Variants in ZNF469 observed in about 807,000 individuals in gnomAD.
ZNF469 encodes zinc finger protein 469.
A neutral mutation model predicts 1.0 loss-of-function variants in ZNF469; 1 was observed. The ratio of observed to expected loss-of-function variants is 1.00; its 90% confidence interval spans 0.35 to 4.73. ZNF469 has a LOEUF of 4.73. Ranked by LOEUF, ZNF469 falls within the 30% of genes most tolerant of loss-of-function variation. The pLI, the probability that ZNF469 is intolerant of heterozygous loss-of-function variation, is 0.16. For missense variants in ZNF469, 6,100 were observed against 5,356.3 expected (o/e 1.14, Z -4.33); for synonymous variants, 2,703 against 2,363.4 (o/e 1.14, Z -4.17).
the ZNF469 span, among the ~76,000 whole-genome samples, chr16:88,227,634 C>A: frequency 9.2e-5 from 14 of 151,378 alleles, no homozygotes; most frequent in Non-Finnish European, 2.1e-4. Flanking sequence ...GTCCCCGTCT[C>A]CCCTTCTCCC....
In ZNF469 at chr16:88,430,629, G is replaced by A. The variant is rs1362107492; in HGVS notation, c.3159G>A (p.Lys1053=). ...CCTGGGGCAAGGAGCTCATTCTGAAGATCGTGCAGCAGAAGAACAGGCGCC... is the reference window on the plus strand; with the variant it reads ...CCTGGGGCAAGGAGCTCATTCTGAAAATCGTGCAGCAGAAGAACAGGCGCC... ...GGAWGKELIL[K]IVQQKNRRHR... Residue 1053 remains lysine, a synonymous_variant, in exon 3 of 3, where the codon AAG becomes AAA. Coordinates refer to ENST00000565624, the MANE Select transcript of ZNF469 (RefSeq NM_001367624.2). 1.3e-6 allele frequency: 2 copies of A among 1,500,478 alleles called. No homozygotes were observed. The highest frequency in any genetic ancestry group is 1.8e-6 in the Non-Finnish European group (2 of 1,130,330). The allele number at this position is 1,500,478 out of a possible 1,614,324, so 92.9% of individuals were successfully genotyped here. A position where few individuals can be genotyped will look rare whatever the true frequency, so the allele number is the denominator to read the frequency against.
rs139653501 is a variant in ZNF469 at position 88,430,123 on chromosome 16, C to G, written c.2653C>G (p.Leu885Val). ...GPRGPSSGHP[L>V]KSKAGVTPES... is the part of the protein sequence containing the mutation. ...CAGAGGTCCCAGCTCCGGACACCCC[C>G]TTAAGAGCAAGGCGGGGGTGACTCC... The change falls in exon 3 of 3, where the codon CTT (leucine) becomes GTT (valine). Residue 885 changes from leucine to valine, a missense_variant. Leu to Val is a conservative substitution (Grantham distance 32). Coordinates refer to ENST00000565624, the MANE Select transcript of ZNF469 (RefSeq NM_001367624.2). 1,771 of 1,550,248 alleles carry G rather than the reference C, an allele frequency of 1.1e-3. 26 individuals carry two copies. In the East Asian group the frequency reaches 0.028, roughly 24 times the overall value.
chr16:88,115,577 G>A, the ZNF469 span, among the ~76,000 whole-genome samples: 3 of 151,342 alleles, frequency 2.0e-5, no homozygotes, highest in East Asian at 3.9e-4. Context: ...AAAGAGAAAG[G>A]TGCCAGGGCC....
the ZNF469 span, among the ~76,000 whole-genome samples, chr16:88,345,689 C>T: frequency 1.3e-5 from 2 of 152,302 alleles, no homozygotes; most frequent in East Asian, 1.9e-4. Flanking sequence ...CAGGGAAGGG[C>T]GCTTTCCAAA....
intron 1 of ZNF469, among the ~76,000 whole-genome samples, chr16:88,396,929 C>CTCATGAAGGGAGGCCAGGAGGAGACCT (rs747449600): frequency 9.7e-5 from 13 of 133,680 alleles, no homozygotes; most frequent in African/African-American, 3.6e-4. Flanking sequence ...GGAGGAGACC[C>CTCATGAAGGGAGGCCAGGAGGAGACCT]GTCTGAAGGG....
chr16:88,101,610 C>T, the ZNF469 span, among the ~76,000 whole-genome samples: 1 of 151,828 alleles, frequency 6.6e-6, no homozygotes, highest in East Asian at 1.9e-4. Flanking sequence ...CCCCGGCCAC[C>T]CAGGGGCAGG....
chr16:88,114,293 C>G, the ZNF469 span, among the ~76,000 whole-genome samples: 2 of 127,948 alleles, frequency 1.6e-5, no homozygotes, highest in African/African-American at 3.1e-5. Flanking sequence ...CACATTCACT[C>G]ACTGCGGGGG....
chr16:88,387,665 C>G (rs532348975), intron 1 of ZNF469, among the ~76,000 whole-genome samples: 1 of 152,224 alleles, frequency 6.6e-6, no homozygotes, highest in Non-Finnish European at 1.5e-5. Context: ...AGGAGAATTC[C>G]AAATATAAGC....
the ZNF469 span, among the ~76,000 whole-genome samples, chr16:88,201,361 C>A: frequency 6.6e-6 from 1 of 152,148 alleles, no homozygotes; most frequent in Non-Finnish European, 1.5e-5. The surrounding 1 kb of genome is among the most constrained non-coding windows in gnomAD (Gnocchi z 5.0). Flanking sequence ...TCGAGACCAG[C>A]CTGGCCAACA....
the ZNF469 span, among the ~76,000 whole-genome samples, chr16:88,117,236 TGGGGACGTGTGAGAGCC>T: frequency 4.1e-5 from 6 of 146,410 alleles, no homozygotes; most frequent in South Asian, 2.2e-4. Flanking sequence ...GTGTGAGAGC[TGGGGACGTGTGAGAGCC>T]GGGGACGTGT....
the ZNF469 span, among the ~76,000 whole-genome samples, chr16:88,236,420 T>A: frequency 6.6e-6 from 1 of 152,258 alleles, no homozygotes; most frequent in African/African-American, 2.4e-5. Flanking sequence ...ATGTGAGTGC[T>A]GGTCAGCTGG....
At chr16:88,376,200 A>G in the ZNF469 span, among the ~76,000 whole-genome samples, 68 of 152,336 alleles carry the variant, frequency 4.5e-4, no homozygotes, top group African/African-American at 1.3e-3. Flanking sequence ...ACACACATCA[A>G]TGCGCCTTTT....
the ZNF469 span, among the ~76,000 whole-genome samples, chr16:88,146,041 C>A: frequency 1.3e-5 from 2 of 152,262 alleles, no homozygotes; most frequent in South Asian, 4.1e-4. Context: ...CAGCTTCATC[C>A]AACACCGCCT....
At chr16:88,375,929 C>T in the ZNF469 span, among the ~76,000 whole-genome samples, 1 of 152,252 alleles carries the variant, frequency 6.6e-6, no homozygotes, top group Non-Finnish European at 1.5e-5. Flanking sequence ...GACGTGTGGG[C>T]CGGACTGGAG....
the ZNF469 span, among the ~76,000 whole-genome samples, chr16:88,361,957 T>C: frequency 6.6e-6 from 1 of 152,198 alleles, no homozygotes. Context: ...GAAAAACAAA[T>C]CGTCATGTAA....
At chr16:88,126,072 C>T in the ZNF469 span, among the ~76,000 whole-genome samples, 1 of 151,064 alleles carries the variant, frequency 6.6e-6, no homozygotes, top group South Asian at 2.1e-4. Flanking sequence ...GCCTGTAATC[C>T]CAGCTACTGA....
chr16:88,386,725 G>T (rs894263371), intron 1 of ZNF469, among the ~76,000 whole-genome samples: 27 of 152,174 alleles, frequency 1.8e-4, no homozygotes, highest in Admixed American at 2.0e-4. Flanking sequence ...AAGGTCCCAG[G>T]CCTCTCAACT....
the ZNF469 span, among the ~76,000 whole-genome samples, chr16:88,162,047 A>AT: frequency 3.3e-5 from 5 of 152,200 alleles, no homozygotes; most frequent in Non-Finnish European, 5.9e-5. Flanking sequence ...GATTTGTCCA[A>AT]TTTTTTTGTT....
the ZNF469 span, among the ~76,000 whole-genome samples, chr16:88,123,794 C>T: frequency 9.9e-5 from 15 of 152,196 alleles, 1 homozygote; most frequent in African/African-American, 3.6e-4. Context: ...AGTGTCTATT[C>T]AGATATTTGA....
Sources: gnomAD v4.1 joint callset for allele counts (sites outside exome capture counted in the v4.1 genomes callset) on GRCh38, gnomAD v4.1.1 for gene constraint, Gnocchi (gnomAD v3.1) non-coding constraint, MANE v1.5 for transcripts, NCBI Gene and HGNC (gene_info 2026-07-23, HGNC 2026-07-21) for gene names.